HP1BP3: variants seen among roughly 807,000 people sequenced by gnomAD.
HP1BP3 encodes heterochromatin protein 1-binding protein 3.
In HP1BP3, 12 loss-of-function variants were observed where a neutral mutation model predicts 62.5. The observed-to-expected ratio is 0.19, with a 90% CI of 0.12 to 0.31. The LOEUF is 0.31. HP1BP3 is among the 10% of genes least tolerant of loss of function. The pLI, the probability that HP1BP3 is intolerant of heterozygous loss-of-function variation, is 1.00. For synonymous variants in HP1BP3, 260 were observed against 237.8 expected (o/e 1.09, Z -0.86); for missense variants, 502 against 651.8 (o/e 0.77, Z 2.50).
intron 1 of HP1BP3, among the ~76,000 whole-genome samples, chr1:20,785,133 T>C (rs1179613607): frequency 6.6e-6 from 1 of 152,116 alleles, no homozygotes; most frequent in Non-Finnish European, 1.5e-5. Flanking sequence ...AGCTGGTCTC[T>C]AACTCCTGGA....
chr1:20,758,640 C>T (rs1176339349), intron 8 of HP1BP3, among the ~76,000 whole-genome samples: 3 of 150,688 alleles, frequency 2.0e-5, no homozygotes, highest in African/African-American at 7.3e-5. Context: ...GCCACCACAC[C>T]TGGCCTTTTT....
intron 10 of HP1BP3, among the ~76,000 whole-genome samples, chr1:20,748,411 A>T (rs2055479571): frequency 6.6e-6 from 1 of 152,236 alleles, no homozygotes; most frequent in Admixed American, 6.5e-5. Flanking sequence ...AGTGAAACTG[A>T]AAGGCTTGTT....
chr1:20,749,420 G>T (rs1244670905), intron 10 of HP1BP3, among the ~76,000 whole-genome samples: 1 of 148,652 alleles, frequency 6.7e-6, no homozygotes, highest in Non-Finnish European at 1.5e-5. Context: ...GTACAATGGT[G>T]CAATCTCGGC....
intron 8 of HP1BP3, among the ~76,000 whole-genome samples, chr1:20,759,736 T>G (rs2056348654): frequency 6.6e-6 from 1 of 152,108 alleles, no homozygotes; most frequent in African/African-American, 2.4e-5. Flanking sequence ...GTAAAGGAAC[T>G]GGCAAAGTGG....
At chr1:20,775,917 T>C (rs1341663398) in intron 4 of HP1BP3, 2 of 1,479,554 alleles carry the variant, frequency 1.4e-6, no homozygotes, top group Non-Finnish European at 1.8e-6. Context: ...TGTATACCCA[T>C]TGTTAAGCAA....
rs2055186005 is a variant in HP1BP3, at chr1:20,744,424, T to C, written c.*373A>G. ...CCAGGACCTGACTGGCATACCGTTCTTGATGCTTTCTACAAATATAAAAAT... is the reference window on the plus strand; with the variant it reads ...CCAGGACCTGACTGGCATACCGTTCCTGATGCTTTCTACAAATATAAAAAT... On this transcript the variant is annotated 3_prime_UTR_variant, in exon 13 of 13. Transcript: ENST00000438032. 1 of 192,364 alleles carries C rather than the reference T, an allele frequency of 5.2e-6. No individual in the cohort carries two copies. Among genetic ancestry groups the C allele is most frequent in the African/African-American group, 2.4e-5 (1 of 41,848 alleles). 11.9% of individuals were successfully genotyped at this position (192,364 alleles called of 1,614,324 possible). A position where few individuals can be genotyped will look rare whatever the true frequency, so the allele number is the denominator to read the frequency against.
At chr1:20,766,643 A>G (rs2056798888) in intron 7 of HP1BP3, among the ~76,000 whole-genome samples, 1 of 152,208 alleles carries the variant, frequency 6.6e-6, no homozygotes, top group African/African-American at 2.4e-5. Flanking sequence ...TATTTGGTAA[A>G]AATGTACTTT....
chr1:20,779,921 G>A lies in HP1BP3; in HGVS notation c.97-10C>T, dbSNP rs770486850. The stretch of plus-strand genomic sequence containing the variant: ...TGCTATCTTCTACCTTCTAAGAAAA[G>A]AGATGGCCATAATCAAACATGCATT... On this transcript the variant is annotated splice_polypyrimidine_tract_variant and intron_variant, in intron 2 of 12. Transcript: ENST00000438032. 6.2e-7 allele frequency: 1 copy of A among 1,602,126 alleles called. No homozygotes were observed. The highest frequency in any genetic ancestry group is 2.2e-5 in the East Asian group (1 of 44,682).
chr1:20,767,753 G>T (rs2056855283), intron 6 of HP1BP3, 89 bp from the exon 7 acceptor site: 1 of 735,500 alleles, frequency 1.4e-6, no homozygotes, highest in Non-Finnish European at 2.2e-6. Context: ...AAGAGCTAAT[G>T]TAAAGTGGTG....
Position 20,752,356 on chromosome 1 carries a change from G to A in HP1BP3, c.982-2474C>T, listed in dbSNP as rs192018878. On this transcript the variant is annotated intron_variant, in intron 9 of 12. Transcript: ENST00000438032. The stretch of plus-strand genomic sequence containing the variant: ...GTTGCCCAGGCTGGAGTGTAATGGC[G>A]CGGTCTCGGCTCACTGCAACCTCCG... Among the ~76,000 whole-genome samples, 1,332 of 151,500 alleles carry A rather than the reference G, an allele frequency of 8.8e-3. 8 individuals carry two copies. Among genetic ancestry groups the A allele is most frequent in the Middle Eastern group, 0.017 (5 of 294 alleles).
chr1:20,755,452 A>G (rs1023632585), intron 9 of HP1BP3: 11 of 423,518 alleles, frequency 2.6e-5, no homozygotes, highest in Admixed American at 2.0e-4. Context: ...GTGCACGCCT[A>G]TAATCCCAGC....
rs1176858922 is a variant in HP1BP3 at position 20,740,912 on chromosome 1, C to A, written c.*3885G>T. 6.6e-6 allele frequency among the ~76,000 whole-genome samples: 1 copy of A among 152,210 alleles called. No homozygotes were observed. Among genetic ancestry groups the A allele is most frequent in the Non-Finnish European group, 1.5e-5 (1 of 68,038 alleles). On this transcript the variant is annotated 3_prime_UTR_variant, in exon 13 of 13. Coordinates refer to ENST00000438032, the MANE Select transcript of HP1BP3 (RefSeq NM_001372052.1). The stretch of plus-strand genomic sequence containing the variant: ...CTGATTAGGGGTACTGTTTAACCAT[C>A]TGTAATGGCTTCTAAACAAATCTTT...
chr1:20,767,776 G>GAA, intron 6 of HP1BP3, 112 bp from the exon 7 acceptor site: 3 of 551,856 alleles, frequency 5.4e-6, no homozygotes, highest in Non-Finnish European at 6.1e-6. Flanking sequence ...TACTTCTTCA[G>GAA]AGAAAAAAAA....
In HP1BP3 at chr1:20,747,532, C is replaced by T. The variant is rs756676009; in HGVS notation, c.1253+12G>A. On this transcript the variant is annotated intron_variant, in intron 11 of 12. Transcript: ENST00000438032. Reference sequence around the variant, plus strand: ...TAAATTTACAGTGATCTATTATAGGCTAAGTACTTACCTGGGATAATAGGG... The same window carrying T: ...TAAATTTACAGTGATCTATTATAGGTTAAGTACTTACCTGGGATAATAGGG... The T allele has an allele frequency of 4.0e-6, 6 of 1,494,296 alleles. No homozygotes were observed. The African/African-American group carries it at 8.3e-5, about 21-fold the overall frequency. 92.6% of individuals were successfully genotyped at this position (1,494,296 alleles called of 1,614,324 possible).
chr1:20,746,186 A>ATGTGTGTGTGTGTGTGTG (rs35710978), intron 11 of HP1BP3, among the ~76,000 whole-genome samples: 10 of 143,146 alleles, frequency 7.0e-5, no homozygotes, highest in African/African-American at 2.7e-4. Context: ...ACATACATAT[A>ATGTGTGTGTGTGTGTGTG]TGTGTGTGTG....
Position 20,740,354 on chromosome 1 carries a change from G to A in HP1BP3, c.*4443C>T, listed in dbSNP as rs149856706. 6.6e-6 allele frequency among the ~76,000 whole-genome samples: 1 copy of A among 152,298 alleles called. No individual in the cohort carries two copies. Among genetic ancestry groups the A allele is most frequent in the Non-Finnish European group, 1.5e-5 (1 of 68,020 alleles). The stretch of plus-strand genomic sequence containing the variant: ...AGGAAAAAAAAGAGTTGTAATTTTT[G>A]AGGAAAATCGCTTCAGCCTTTTGAG... On this transcript the variant is annotated 3_prime_UTR_variant, in exon 13 of 13. Transcript: ENST00000438032.
intron 6 of HP1BP3, among the ~76,000 whole-genome samples, chr1:20,770,697 C>A (rs2057018804): frequency 2.0e-5 from 3 of 152,000 alleles, no homozygotes. Flanking sequence ...AGCAGCCCCC[C>A]AAAAAATATC....
chr1:20,783,217 G>C (rs1333125725), intron 1 of HP1BP3, among the ~76,000 whole-genome samples: 1 of 152,046 alleles, frequency 6.6e-6, no homozygotes, highest in Non-Finnish European at 1.5e-5. Flanking sequence ...AGTTATTTGG[G>C]ATAAATATTA....
In HP1BP3 at chr1:20,763,830, GGT is replaced by G. The variant is rs1159649708; in HGVS notation, c.890+1545_890+1546del. Among the ~76,000 whole-genome samples the G allele has an allele frequency of 2.6e-5, 4 of 152,256 alleles. No individual in the cohort carries two copies. In the East Asian group the frequency reaches 7.7e-4, roughly 29 times the overall value. On this transcript the variant is annotated intron_variant, in intron 8 of 12. Coordinates refer to ENST00000438032, the MANE Select transcript of HP1BP3 (RefSeq NM_001372052.1). Reference sequence around the variant, plus strand: ...AAACATTATGCTATTTCTATGTACAGGTGTTATTGAAGCCTGAATTCTCATGA... The same window carrying G: ...AAACATTATGCTATTTCTATGTACAGGTTATTGAAGCCTGAATTCTCATGA...
Sources: gnomAD v4.1 joint callset for allele counts (sites outside exome capture counted in the v4.1 genomes callset) on GRCh38, gnomAD v4.1.1 for gene constraint, MANE v1.5 for transcripts, NCBI Gene and HGNC (gene_info 2026-07-23, HGNC 2026-07-21) for gene names.